The following PELI2 variants were observed in gnomAD, a reference collection of about 807,000 sequenced individuals.
PELI2 encodes pellino E3 ubiquitin protein ligase family member 2, also known as E3 ubiquitin-protein ligase pellino homolog 2.
PELI2 carries 23 observed loss-of-function variants against 42.3 expected under a neutral mutation model. The ratio of observed to expected loss-of-function variants is 0.54; its 90% CI spans 0.39 to 0.77. The LOEUF (loss-of-function observed/expected upper bound fraction) is 0.77, where lower values mean the gene tolerates loss of function less well. Among genes scored for constraint, PELI2 ranks in the 30% least tolerant of loss-of-function variants. The pLI, the probability that PELI2 is intolerant of heterozygous loss-of-function variation, is 0.00. For missense variants in PELI2, 463 were observed against 553.2 expected (o/e 0.84, Z 1.64); for synonymous variants, 245 against 212.2 (o/e 1.15, Z -1.34).
intron 1 of PELI2, among the ~76,000 whole-genome samples, chr14:56,174,831 C>T (rs1309461772): frequency 6.6e-6 from 1 of 152,122 alleles, no homozygotes; most frequent in Non-Finnish European, 1.5e-5. Flanking sequence ...TGGACTAATA[C>T]AACCAGGACG....
rs1594725375 is a variant in PELI2, at chr14:56,297,315, G to T, written c.*149G>T. The T allele has an allele frequency of 1.6e-6, 1 of 620,772 alleles. No homozygotes were observed. Among genetic ancestry groups the T allele is most frequent in the East Asian group, 2.7e-5 (1 of 36,476 alleles). 38.5% of individuals were successfully genotyped at this position (620,772 alleles called of 1,614,324 possible). ...AGAGGGGACATGGTGATGAAACATG[G>T]CAGGAGTGTAACAGATACCAGTGGT... is the stretch of plus-strand genomic sequence containing the variant. On this transcript the variant is annotated 3_prime_UTR_variant, in exon 6 of 6. Coordinates refer to ENST00000267460, the MANE Select transcript of PELI2 (RefSeq NM_021255.3).
At chr14:56,167,399 A>G (rs1885001144) in intron 1 of PELI2, among the ~76,000 whole-genome samples, 1 of 152,026 alleles carries the variant, frequency 6.6e-6, no homozygotes, top group South Asian at 2.1e-4. Context: ...TATATTTTCA[A>G]ATATCCTGTC....
At chr14:56,229,176 C>T (rs114683968) in intron 2 of PELI2, among the ~76,000 whole-genome samples, 4 of 152,334 alleles carry the variant, frequency 2.6e-5, no homozygotes, top group African/African-American at 9.6e-5. Context: ...CAGGGAATAG[C>T]TGAACAAAAG....
At chr14:56,206,154 C>G (rs76703938) in intron 2 of PELI2, among the ~76,000 whole-genome samples, 1 of 152,308 alleles carries the variant, frequency 6.6e-6, no homozygotes, top group Non-Finnish European at 1.5e-5. Context: ...CTAATTAGAA[C>G]AAATGGTAAC....
chr14:56,151,714 G>C (rs1884367121), intron 1 of PELI2, among the ~76,000 whole-genome samples: 1 of 152,186 alleles, frequency 6.6e-6, no homozygotes, highest in Admixed American at 6.5e-5. Context: ...GCTTAGAACA[G>C]TATCAAGTAA....
rs4038318 is a variant in PELI2, at chr14:56,197,969, GACACACACACACACACAC to G, written c.207+19532_207+19549del. ...CACACCAGGGATCATGACTGGTGAA[GACACACACACACACACAC>G]ACACACACACACACACACACACACA... On this transcript the variant is annotated intron_variant, in intron 2 of 5. Coordinates refer to ENST00000267460, the MANE Select transcript of PELI2 (RefSeq NM_021255.3). The surrounding 1 kb of genome is among the most constrained non-coding windows in gnomAD (Gnocchi z 4.9). 3.9e-5 allele frequency among the ~76,000 whole-genome samples: 5 copies of G among 129,702 alleles called. No individual in the cohort carries two copies. The highest frequency in any genetic ancestry group is 2.6e-4 in the South Asian group (1 of 3,796). 85.1% of individuals were successfully genotyped at this position (129,702 alleles called of 152,430 possible). A position where few individuals can be genotyped will look rare whatever the true frequency, so the allele number is the denominator to read the frequency against.
At chr14:56,282,200 A>C (rs536883786) in intron 3 of PELI2, among the ~76,000 whole-genome samples, 14 of 152,238 alleles carry the variant, frequency 9.2e-5, no homozygotes, top group Admixed American at 3.9e-4. Context: ...GGGTACAGCT[A>C]TACAGTGGAG....
intron 1 of PELI2, among the ~76,000 whole-genome samples, chr14:56,175,073 G>A (rs537498617): frequency 7.9e-5 from 12 of 152,088 alleles, no homozygotes; most frequent in Non-Finnish European, 1.6e-4. Flanking sequence ...TTGGCTCACT[G>A]TAGTCTCCAC....
intron 2 of PELI2, among the ~76,000 whole-genome samples, chr14:56,257,642 T>C (rs1270341990): frequency 6.6e-6 from 1 of 152,130 alleles, no homozygotes; most frequent in Non-Finnish European, 1.5e-5. Context: ...ATTCACTGCC[T>C]CTCCCTACTG....
intron 5 of PELI2, among the ~76,000 whole-genome samples, chr14:56,295,629 A>G (rs1262959891): frequency 6.6e-6 from 1 of 152,176 alleles, no homozygotes; most frequent in Non-Finnish European, 1.5e-5. Flanking sequence ...TTCTCTAAGA[A>G]CTCTTTGCAT....
intron 2 of PELI2, among the ~76,000 whole-genome samples, chr14:56,252,740 A>G (rs189232355): frequency 5.1e-4 from 77 of 152,360 alleles, no homozygotes; most frequent in Non-Finnish European, 1.0e-3. Context: ...AAAAAAGCCC[A>G]GGACCAGATG....
chr14:56,273,100 A>G lies in PELI2; in HGVS notation c.208-6576A>G, dbSNP rs571349394. 6.6e-6 allele frequency among the ~76,000 whole-genome samples: 1 copy of G among 152,208 alleles called. No homozygotes were observed. The highest frequency in any genetic ancestry group is 1.5e-5 in the Non-Finnish European group (1 of 68,044). ...CTGGGAAGGGCACCACTGAGTAGTC[A>G]GTCTCTGGTCCACATCTGGGGCAGC... On this transcript the variant is annotated intron_variant, in intron 2 of 5. Transcript: ENST00000267460. This position sits in a 1 kb window ranked among gnomAD's most constrained non-coding sequence, Gnocchi z 4.3.
chr14:56,128,464 A>AT (rs1412219030), intron 1 of PELI2, among the ~76,000 whole-genome samples: 1 of 152,218 alleles, frequency 6.6e-6, no homozygotes, highest in African/African-American at 2.4e-5. Flanking sequence ...GAATCTGATT[A>AT]GAAGGTAGGT....
intron 2 of PELI2, among the ~76,000 whole-genome samples, chr14:56,190,108 T>C (rs2139686212): frequency 6.6e-6 from 1 of 152,344 alleles, no homozygotes; most frequent in East Asian, 1.9e-4. Context: ...TTCATATGAA[T>C]AGTTATATTT....
chr14:56,254,496 T>G (rs1330611169), intron 2 of PELI2, among the ~76,000 whole-genome samples: 1 of 151,900 alleles, frequency 6.6e-6, no homozygotes, highest in Non-Finnish European at 1.5e-5. Flanking sequence ...TAACTCAAGC[T>G]GGACTAAAGA....
intron 2 of PELI2, among the ~76,000 whole-genome samples, chr14:56,231,518 T>C (rs1379518703): frequency 6.6e-6 from 1 of 152,116 alleles, no homozygotes; most frequent in Non-Finnish European, 1.5e-5. Flanking sequence ...ACTGGGTACA[T>C]AACGAAATGA....
intron 1 of PELI2, among the ~76,000 whole-genome samples, chr14:56,135,661 A>T (rs149067207): frequency 4.6e-5 from 7 of 152,154 alleles, no homozygotes; most frequent in South Asian, 2.1e-4. Context: ...CTGATAGACT[A>T]TTTTTCAAAA....
chr14:56,295,107 C>T (rs1221901202), intron 5 of PELI2, among the ~76,000 whole-genome samples: 2 of 152,070 alleles, frequency 1.3e-5, no homozygotes, highest in Non-Finnish European at 2.9e-5. Flanking sequence ...CTCTCTAGTC[C>T]CTGTGCCTCT....
intron 2 of PELI2, among the ~76,000 whole-genome samples, chr14:56,209,359 A>G (rs1413058861): frequency 6.6e-6 from 1 of 152,156 alleles, no homozygotes; most frequent in Non-Finnish European, 1.5e-5. Context: ...CCAATTATAT[A>G]TGTACGTAAA....
Sources: allele counts gnomAD v4.1 joint callset (sites outside exome capture counted in the v4.1 genomes callset), GRCh38; gene constraint gnomAD v4.1.1; non-coding constraint Gnocchi (gnomAD v3.1); transcripts MANE v1.5; gene names NCBI Gene and HGNC (gene_info 2026-07-23, HGNC 2026-07-21).